TASP1: variants seen among roughly 807,000 people sequenced by gnomAD.
The protein encoded by TASP1 is threonine aspartase 1.
Under a neutral mutation model 56.6 loss-of-function variants are expected in TASP1, and 16 were observed. The ratio of observed to expected loss-of-function variants is 0.28; its 90% CI spans 0.19 to 0.43. TASP1 has a LOEUF of 0.43. Among genes scored for constraint, TASP1 ranks in the 20% least tolerant of loss-of-function variants. The pLI, the probability that TASP1 is intolerant of heterozygous loss-of-function variation, is 1.00. For synonymous variants in TASP1, 179 were observed against 184.2 expected (o/e 0.97, Z 0.23); for missense variants, 393 against 511.6 (o/e 0.77, Z 2.24).
chr20:13,402,575 A>C (rs946582758), intron 13 of TASP1, among the ~76,000 whole-genome samples: 9 of 152,254 alleles, frequency 5.9e-5, no homozygotes, highest in African/African-American at 2.2e-4. Context: ...TGGCGCCTCA[A>C]CTACCATCCC....
chr20:13,240,517 A>T, the TASP1 span, among the ~76,000 whole-genome samples: 17 of 152,190 alleles, frequency 1.1e-4, no homozygotes, highest in African/African-American at 3.9e-4. Flanking sequence ...TGACTAAGGG[A>T]TGGAAAAGAG....
chr20:13,211,577 G>A, the TASP1 span, among the ~76,000 whole-genome samples: 1 of 152,164 alleles, frequency 6.6e-6, no homozygotes. Flanking sequence ...GCACTCAGAT[G>A]TTACCGTTAT....
At chr20:13,464,142 T>C (rs2044161551) in intron 11 of TASP1, among the ~76,000 whole-genome samples, 1 of 152,190 alleles carries the variant, frequency 6.6e-6, no homozygotes, top group Non-Finnish European at 1.5e-5. Context: ...ATGCATATTT[T>C]GAAGTCCTAA....
chr20:13,106,190 T>C, the TASP1 span, among the ~76,000 whole-genome samples: 1 of 152,232 alleles, frequency 6.6e-6, no homozygotes, highest in African/African-American at 2.4e-5. Context: ...AATTCTTATT[T>C]CTATCCACAA....
At chr20:13,286,600 T>G in the TASP1 span, among the ~76,000 whole-genome samples, 1 of 152,220 alleles carries the variant, frequency 6.6e-6, no homozygotes, top group Non-Finnish European at 1.5e-5. Flanking sequence ...GCAGATAAGA[T>G]GGGAGCAAGC....
At chr20:13,488,800 TC>T (rs2043418187) in intron 10 of TASP1, among the ~76,000 whole-genome samples, 2 of 152,110 alleles carry the variant, frequency 1.3e-5, no homozygotes, top group African/African-American at 4.8e-5. Flanking sequence ...ACTCCAACAT[TC>T]CCTCCATCTC....
chr20:13,136,742 TA>T, the TASP1 span, among the ~76,000 whole-genome samples: 2 of 147,906 alleles, frequency 1.4e-5, no homozygotes, highest in Non-Finnish European at 3.0e-5. Context: ...GTTATATATA[TA>T]ATATATAGGG....
At chr20:13,471,874 C>A (rs561873234) in intron 11 of TASP1, among the ~76,000 whole-genome samples, 42 of 152,260 alleles carry the variant, frequency 2.8e-4, no homozygotes, top group African/African-American at 9.6e-4. Context: ...GCGGCATCGC[C>A]TCATCCAGGA....
the TASP1 span, among the ~76,000 whole-genome samples, chr20:13,207,271 A>T: frequency 6.6e-6 from 1 of 152,216 alleles, no homozygotes; most frequent in African/African-American, 2.4e-5. Context: ...CCAGGGCAGA[A>T]GCACAAGAAA....
At chr20:13,385,151 C>T (rs1018910822), downstream of TASP1, among the ~76,000 whole-genome samples, 10 of 152,190 alleles carry the variant, frequency 6.6e-5, no homozygotes, top group African/African-American at 1.2e-4. Context: ...GCATGCACGT[C>T]GTGAAAATGT....
chr20:13,470,608 C>T (rs534782277), intron 11 of TASP1, among the ~76,000 whole-genome samples: 1 of 151,802 alleles, frequency 6.6e-6, no homozygotes, highest in East Asian at 1.9e-4. Flanking sequence ...AAGATGTACT[C>T]TAGTTAAACA....
chr20:13,290,841 C>T, the TASP1 span, among the ~76,000 whole-genome samples: 44 of 152,266 alleles, frequency 2.9e-4, 1 homozygote, highest in South Asian at 8.9e-3. Flanking sequence ...TGTACTCATT[C>T]GACAGCTATA....
the TASP1 span, among the ~76,000 whole-genome samples, chr20:13,380,031 T>C: frequency 3.9e-5 from 6 of 152,200 alleles, no homozygotes; most frequent in African/African-American, 1.4e-4. Flanking sequence ...TCCTTTAGCT[T>C]GGAGGAGTTT....
chr20:13,434,144 AT>A (rs200732398), intron 12 of TASP1, among the ~76,000 whole-genome samples: 6 of 149,236 alleles, frequency 4.0e-5, no homozygotes, highest in Non-Finnish European at 6.0e-5. Flanking sequence ...GCAAAGTTCT[AT>A]TTTTTTTTTA....
intron 13 of TASP1, among the ~76,000 whole-genome samples, chr20:13,403,998 G>A (rs1227272172): frequency 1.3e-5 from 2 of 152,186 alleles, no homozygotes; most frequent in African/African-American, 4.8e-5. Flanking sequence ...TAAAGGGTTT[G>A]ATGATTTTTA....
At chr20:13,539,219 G>T (rs546156183) in intron 8 of TASP1, among the ~76,000 whole-genome samples, 2 of 152,114 alleles carry the variant, frequency 1.3e-5, no homozygotes, top group African/African-American at 4.8e-5. Context: ...TAGTCAAGAT[G>T]TCTATTCTTA....
At chr20:13,328,687 C>T in the TASP1 span, among the ~76,000 whole-genome samples, 1 of 151,892 alleles carries the variant, frequency 6.6e-6, no homozygotes, top group Admixed American at 6.6e-5. Context: ...CCATTATCCT[C>T]AGCAAACTAA....
At chr20:13,275,173 T>C in the TASP1 span, among the ~76,000 whole-genome samples, 2 of 152,142 alleles carry the variant, frequency 1.3e-5, no homozygotes, top group Non-Finnish European at 2.9e-5. Flanking sequence ...TCAACCCATA[T>C]ATTTATTTCT....
the TASP1 span, among the ~76,000 whole-genome samples, chr20:13,310,043 C>G: frequency 6.6e-6 from 1 of 152,038 alleles, no homozygotes; most frequent in Non-Finnish European, 1.5e-5. Flanking sequence ...TCGATGCAAT[C>G]CCTAACAAAA....
Sources: gnomAD v4.1 joint callset for allele counts (sites outside exome capture counted in the v4.1 genomes callset) on GRCh38, gnomAD v4.1.1 for gene constraint, MANE v1.5 for transcripts, NCBI Gene and HGNC (gene_info 2026-07-23, HGNC 2026-07-21) for gene names.